The following MGAT5 variants were observed in gnomAD, a reference collection of about 807,000 sequenced individuals.
MGAT5 encodes alpha-1,6-mannosylglycoprotein 6-beta-N-acetylglucosaminyltransferase, also known as alpha-1,6-mannosylglycoprotein 6-beta-N-acetylglucosaminyltransferase A.
A neutral mutation model predicts 94.3 loss-of-function variants in MGAT5; 30 were observed. The observed-to-expected ratio is 0.32, with a 90% confidence interval of 0.24 to 0.43. MGAT5 has a LOEUF of 0.43. MGAT5 is among the 20% of genes least tolerant of loss of function. MGAT5 has a pLI of 1.00. For missense variants in MGAT5, 691 were observed against 905.5 expected (o/e 0.76, Z 3.04); for synonymous variants, 310 against 322.9 (o/e 0.96, Z 0.43).
At chr2:134,310,102 A>G (rs1462785008) in intron 2 of MGAT5, among the ~76,000 whole-genome samples, 1 of 152,170 alleles carries the variant, frequency 6.6e-6, no homozygotes, top group Non-Finnish European at 1.5e-5. Context: ...GAGTTCCATT[A>G]TGTCCATAGT....
At chr2:134,148,348 A>G (rs1286390155) in intron 1 of MGAT5, among the ~76,000 whole-genome samples, 1 of 152,240 alleles carries the variant, frequency 6.6e-6, no homozygotes, top group Non-Finnish European at 1.5e-5. Context: ...CATACCCCAG[A>G]CTAATTAACT....
intron 1 of MGAT5, among the ~76,000 whole-genome samples, chr2:134,167,242 G>A (rs1373769673): frequency 6.6e-6 from 1 of 152,220 alleles, no homozygotes; most frequent in Non-Finnish European, 1.5e-5. Flanking sequence ...GGTGCTGAAT[G>A]AATCATCCTC....
At chr2:134,202,712 T>A (rs1679850232) in intron 1 of MGAT5, among the ~76,000 whole-genome samples, 1 of 152,224 alleles carries the variant, frequency 6.6e-6, no homozygotes, top group South Asian at 2.1e-4. Context: ...TTAGCCAGGA[T>A]CTTTTTAAAG....
chr2:134,206,531 A>T (rs1431435996), intron 1 of MGAT5, among the ~76,000 whole-genome samples: 7 of 152,228 alleles, frequency 4.6e-5, no homozygotes, highest in Non-Finnish European at 8.8e-5. Context: ...AAGAAATCTG[A>T]AACGGCTCTG....
chr2:134,272,129 T>C (rs1684064968), intron 2 of MGAT5, among the ~76,000 whole-genome samples: 1 of 152,214 alleles, frequency 6.6e-6, no homozygotes. Flanking sequence ...AGGACTTTGC[T>C]ACCTGGGCTT....
In MGAT5 at chr2:134,237,148, T is replaced by TGTGTGTGTGTGTGTGTGTGTGTGC. The variant is rs374914892; in HGVS notation, c.-142-17113_-142-17112insTGTGTGTGTGTGTGTGTGTGTGCG. ...ATGTGTGTGTGTGTGTGTGTGTGTGTGCGCGTGTGTGTGAATTTTTACCCT... is the reference window on the plus strand; with the variant it reads ...ATGTGTGTGTGTGTGTGTGTGTGTGTGTGTGTGTGTGTGTGTGTGTGTGCGCGCGTGTGTGTGAATTTTTACCCT... On this transcript the variant is annotated intron_variant, in intron 1 of 16. Transcript: ENST00000409645. 3.6e-5 allele frequency among the ~76,000 whole-genome samples: 5 copies of TGTGTGTGTGTGTGTGTGTGTGTGC among 140,744 alleles called. No individual in the cohort carries two copies. In the East Asian group the frequency reaches 1.4e-3, roughly 38 times the overall value. The allele number at this position is 140,744 out of a possible 152,430, so 92.3% of individuals were successfully genotyped here. A position where few individuals can be genotyped will look rare whatever the true frequency, so the allele number is the denominator to read the frequency against.
chr2:134,372,802 A>G (rs1341626792), intron 10 of MGAT5, among the ~76,000 whole-genome samples: 1 of 152,240 alleles, frequency 6.6e-6, no homozygotes, highest in East Asian at 1.9e-4. Flanking sequence ...AGCAGCATAA[A>G]CAGCTAAGTG....
chr2:134,342,105 C>T (rs1202006018), intron 7 of MGAT5, among the ~76,000 whole-genome samples: 1 of 152,144 alleles, frequency 6.6e-6, no homozygotes, highest in East Asian at 1.9e-4. Context: ...ATACCACTGC[C>T]TACTCAACAT....
intron 2 of MGAT5, among the ~76,000 whole-genome samples, chr2:134,272,002 T>G (rs779892105): frequency 5.3e-5 from 8 of 152,218 alleles, no homozygotes; most frequent in Non-Finnish European, 1.0e-4. Flanking sequence ...TTTGCTGTTC[T>G]CCACTGCCTC....
intron 1 of MGAT5, among the ~76,000 whole-genome samples, chr2:134,180,562 G>C (rs924269203): frequency 2.0e-5 from 3 of 152,156 alleles, no homozygotes; most frequent in African/African-American, 7.2e-5. Context: ...TTTGCTTAGG[G>C]TTCCATGATT....
upstream of MGAT5, among the ~76,000 whole-genome samples, chr2:134,253,639 C>CCCT (rs753088217): frequency 5.9e-5 from 9 of 152,206 alleles, no homozygotes; most frequent in East Asian, 1.7e-3. Context: ...AAAGCAATAC[C>CCCT]CCTGCTTGTA....
chr2:134,130,544 T>C (rs1418174306), intron 1 of MGAT5, among the ~76,000 whole-genome samples: 1 of 152,242 alleles, frequency 6.6e-6, no homozygotes, highest in African/African-American at 2.4e-5. Context: ...CAGCACTCTG[T>C]GTCTGGCTCC....
chr2:134,424,275 T>A (rs1684458446), intron 13 of MGAT5, among the ~76,000 whole-genome samples: 1 of 152,170 alleles, frequency 6.6e-6, no homozygotes, highest in African/African-American at 2.4e-5. Context: ...CAGAACAGGA[T>A]AATCAGTTTG....
chr2:134,375,838 G>A (rs1380085538), intron 10 of MGAT5, among the ~76,000 whole-genome samples: 1 of 152,150 alleles, frequency 6.6e-6, no homozygotes, highest in East Asian at 1.9e-4. Flanking sequence ...TCGTCAACTG[G>A]AGAGGGCCCA....
At chr2:134,420,586 G>A (rs992221416) in intron 12 of MGAT5, among the ~76,000 whole-genome samples, 27 of 152,040 alleles carry the variant, frequency 1.8e-4, no homozygotes, top group African/African-American at 6.0e-4. Flanking sequence ...AAGACGGAGG[G>A]GTGCCAGTTA....
At chr2:134,189,602 G>GTTTTT (rs912983981) in intron 1 of MGAT5, among the ~76,000 whole-genome samples, 25 of 84,598 alleles carry the variant, frequency 3.0e-4, no homozygotes, top group South Asian at 1.3e-3. Flanking sequence ...GTTTTTTTTT[G>GTTTTT]TTTTTTTTTT....
At chr2:134,138,672 C>G (rs185635725) in intron 1 of MGAT5, among the ~76,000 whole-genome samples, 177 of 152,304 alleles carry the variant, frequency 1.2e-3, no homozygotes, top group Middle Eastern at 6.8e-3. Flanking sequence ...CTTGTGCACA[C>G]TGTCTAATGT....
chr2:134,397,650 T>G (rs1414341899), intron 10 of MGAT5, among the ~76,000 whole-genome samples: 1 of 152,154 alleles, frequency 6.6e-6, no homozygotes, highest in African/African-American at 2.4e-5. Flanking sequence ...GTAAGCTTAT[T>G]CCCCATCTGG....
chr2:134,289,328 C>A (rs1257731469), intron 2 of MGAT5, among the ~76,000 whole-genome samples: 2 of 152,120 alleles, frequency 1.3e-5, no homozygotes, highest in Non-Finnish European at 2.9e-5. Flanking sequence ...TCCAGGGTGC[C>A]GATCTCTCTT....
Sources: allele counts gnomAD v4.1 joint callset (sites outside exome capture counted in the v4.1 genomes callset), GRCh38; gene constraint gnomAD v4.1.1; transcripts MANE v1.5; gene names NCBI Gene and HGNC (gene_info 2026-07-23, HGNC 2026-07-21).